Variants in MAZ observed in about 807,000 individuals in gnomAD.
MAZ encodes the protein MYC associated zinc finger protein.
Under a neutral mutation model 32.7 loss-of-function variants are expected in MAZ, and 4 were observed. The observed-to-expected ratio is 0.12, with a 90% confidence interval of 0.06 to 0.28. The LOEUF is 0.28. MAZ is among the 10% of genes least tolerant of loss of function. The pLI, the probability that MAZ is intolerant of heterozygous loss-of-function variation, is 1.00. For synonymous variants in MAZ, 510 were observed against 297.6 expected, an observed-to-expected ratio of 1.71 and a Z score of -7.35; for missense variants, 763 against 667.2, an observed-to-expected ratio of 1.14 and a Z score of -1.58.
chr16:29,809,682 T>C, intron 4 of MAZ: 2 of 1,543,080 alleles, frequency 1.3e-6, no homozygotes, highest in Non-Finnish European at 1.7e-6. Flanking sequence ...TGCAGACCCA[T>C]CTGGGGGGGG....
rs373789941 is a variant in MAZ, at chr16:29,807,428, G to T, written c.643G>T (p.Ala215Ser). Residue 215 changes from alanine (A) to serine (S), a missense_variant, in exon 2 of 5, where the codon GCC (alanine) becomes TCC (serine). Ala to Ser is a moderately conservative substitution (Grantham distance 99, BLOSUM62 1). Coordinates refer to ENST00000322945, the MANE Select transcript of MAZ (RefSeq NM_002383.4). ...LRRHEAIHTG[A>S]KAGRVPSGAM... ...GAGGCACGAAGCCATCCACACGGGA[G>T]CCAAGGCCGGCCGGGTCCCCTCGGG... The T allele has an allele frequency of 1.1e-5, 17 of 1,612,284 alleles. No individual in the cohort carries two copies. Among genetic ancestry groups the T allele is most frequent in the Non-Finnish European group, 1.2e-5 (14 of 1,179,726 alleles).
intron 4 of MAZ, chr16:29,809,665 G>A (rs1481780799): frequency 1.9e-6 from 3 of 1,581,104 alleles, no homozygotes; most frequent in Non-Finnish European, 2.6e-6. Context: ...CCAGCTGGCC[G>A]GCCACATGCA....
At chr16:29,809,062 G>A (rs1017985319) in intron 4 of MAZ, 5 of 530,372 alleles carry the variant, frequency 9.4e-6, no homozygotes, top group African/African-American at 3.9e-5. Flanking sequence ...TTTCCGCTGC[G>A]CAGCCACAAG....
In MAZ at chr16:29,810,790, T is replaced by G. The variant is rs962044563; in HGVS notation, c.*559T>G. ...CGGCAAAGGTTGTACCTTCATAAGG[T>G]GGTATGGGGGGTTGGGGTCAGGCCC... On this transcript the variant is annotated 3_prime_UTR_variant, in exon 5 of 5. Coordinates refer to ENST00000322945, the MANE Select transcript of MAZ (RefSeq NM_002383.4). 3.7e-5 allele frequency: 13 copies of G among 347,640 alleles called. No homozygotes were observed. In the Admixed American group the frequency reaches 5.0e-4, roughly 13 times the overall value. The allele number at this position is 347,640 out of a possible 1,614,324, so 21.5% of individuals were successfully genotyped here. A position where few individuals can be genotyped will look rare whatever the true frequency, so the allele number is the denominator to read the frequency against.
In MAZ at chr16:29,807,358, C is replaced by T. The variant is rs1267328510; in HGVS notation, c.573C>T (p.Ile191=). 13 of 1,612,116 alleles carry T rather than the reference C, an allele frequency of 8.1e-6. 1 individual carries two copies. Among genetic ancestry groups the T allele is most frequent in the Middle Eastern group, 1.6e-4 (1 of 6,082 alleles). The change falls in exon 2 of 5, where the codon ATC becomes ATT. Residue 191 remains isoleucine, a synonymous_variant. Coordinates refer to ENST00000322945, the MANE Select transcript of MAZ (RefSeq NM_002383.4). ...AGACAAAGAGCAAGGGGCCCTACAT[C>T]TGCGCTCTGTGCGCCAAGGAGTTCA... The part of the protein sequence containing the change: ...EKKTKSKGPY[I]CALCAKEFKN...
chr16:29,808,438 C>T (rs779189102), intron 3 of MAZ, 132 bp from the exon 4 acceptor site: 8 of 985,136 alleles, frequency 8.1e-6, no homozygotes, highest in Middle Eastern at 2.1e-4. Context: ...AAGGCCTCAT[C>T]ATGTCACTCC....
intron 4 of MAZ, chr16:29,809,683 CT>C: frequency 1.3e-6 from 2 of 1,539,910 alleles, no homozygotes; most frequent in Non-Finnish European, 1.7e-6. Flanking sequence ...GCAGACCCAT[CT>C]GGGGGGGGCC....
At chr16:29,809,522 C>T (rs754159328) in intron 4 of MAZ, 5 of 1,565,462 alleles carry the variant, frequency 3.2e-6, no homozygotes, top group Non-Finnish European at 3.5e-6. Flanking sequence ...CGCCCCATCC[C>T]AATCCACCCC....
At position 29,810,342 on chromosome 16, in the gene MAZ, C is replaced by T. The variant is rs763668867; in HGVS notation, c.*111C>T. 11 of 1,116,722 alleles carry T rather than the reference C, an allele frequency of 9.9e-6. No individual in the cohort carries two copies. The highest frequency in any genetic ancestry group is 4.0e-5 in the South Asian group (3 of 75,714). 69.2% of individuals were successfully genotyped at this position (1,116,722 alleles called of 1,614,324 possible). ...CCTATTTCCCTACCAACCAAGGAGC[C>T]TCCAGAAGGAAAGGAGGAAGAAATG... On this transcript the variant is annotated 3_prime_UTR_variant, in exon 5 of 5. Coordinates refer to ENST00000322945, the MANE Select transcript of MAZ (RefSeq NM_002383.4).
chr16:29,808,700 A>G lies in MAZ; in HGVS notation c.1238A>G (p.His413Arg). The G allele has an allele frequency of 6.2e-7, 1 of 1,614,040 alleles. No individual in the cohort carries two copies. The highest frequency in any genetic ancestry group is 8.5e-7 in the Non-Finnish European group (1 of 1,180,004). ...TATATTTCGGACCACATGAAGGTGC[A>G]CAGCCAGGGTCCTCACCATGTCTGT... ...SAYISDHMKV[H>R]SQGPHHVCEL... The change falls in exon 4 of 5, where the codon CAC becomes CGC. Residue 413 changes from histidine (H) to arginine (R), a missense_variant. Physicochemically the swap from His to Arg is conservative, Grantham distance 29. Transcript: ENST00000322945.
chr16:29,809,467 C>T, intron 4 of MAZ: 1 of 956,494 alleles, frequency 1.0e-6, no homozygotes, highest in Non-Finnish European at 1.7e-6. Context: ...CATCCCCCGC[C>T]TAGGAGATCA....
intron 4 of MAZ, chr16:29,809,649 C>A: frequency 3.1e-6 from 5 of 1,591,446 alleles, no homozygotes; most frequent in Non-Finnish European, 4.3e-6. Flanking sequence ...ACTGCAAGAC[C>A]CCTGCCCAGC....
Position 29,807,241 on chromosome 16 carries a change from C to T in MAZ, c.456C>T (p.Ser152=), listed in dbSNP as rs1380075778. ...CGGCCGAGGCCGCGCCCCCCGCCTC[C>T]GCCGCCACTATCGCCGCGGCGGCGG... The part of the protein sequence containing the change: ...APAAEAAPPA[S]AATIAAAAAT... The change falls in exon 2 of 5, where the codon TCC becomes TCT. Residue 152 remains serine, a synonymous_variant. Coordinates refer to ENST00000322945, the MANE Select transcript of MAZ (RefSeq NM_002383.4). The T allele has an allele frequency of 3.5e-6, 5 of 1,412,210 alleles. No individual in the cohort carries two copies. The highest frequency in any genetic ancestry group is 3.0e-5 in the African/African-American group (2 of 66,684). The allele number at this position is 1,412,210 out of a possible 1,614,324, so 87.5% of individuals were successfully genotyped here.
rs754452531 is a variant in MAZ, at chr16:29,810,083, G to A, written c.1286G>A (p.Gly429Asp). Residue 429 changes from glycine (G) to aspartate (D), a missense_variant, in exon 5 of 5, where the codon GGT becomes GAT. By Grantham distance (94) the Gly-to-Asp change is moderately conservative. Coordinates refer to ENST00000322945, the MANE Select transcript of MAZ (RefSeq NM_002383.4). ...TGGTGTTTCTCCTGTGCAGGTACTG[G>A]TGAGGTTTGTCCAATGGCGGCGGCA... ...HVCELCNKGT[G>D]EVCPMAAAAA... 3.1e-6 allele frequency: 5 copies of A among 1,610,476 alleles called. No individual in the cohort carries two copies. Among genetic ancestry groups the A allele is most frequent in the Non-Finnish European group, 3.4e-6 (4 of 1,178,316 alleles).
chr16:29,810,126 G>T lies in MAZ; in HGVS notation c.1329G>T (p.Ala443=). ...PMAAAAAAAA[A]AAAAAVAAPP... ...CGGCGGCAGCGGCAGCGGCGGCAGC[G>T]GCAGCAGCGGCAGCAGTAGCAGCCC... The change falls in exon 5 of 5, where the codon GCG becomes GCT. Residue 443 remains alanine (A), a synonymous_variant. Coordinates refer to ENST00000322945, the MANE Select transcript of MAZ (RefSeq NM_002383.4). 1 of 1,591,478 alleles carries T rather than the reference G, an allele frequency of 6.3e-7. No individual in the cohort carries two copies. The highest frequency in any genetic ancestry group is 8.6e-7 in the Non-Finnish European group (1 of 1,164,690).
rs906969373 is a variant in MAZ at position 29,807,418 on chromosome 16, C to T, written c.633C>T (p.Ile211=). Reference sequence around the variant, plus strand: ...ACAATCTCCGGAGGCACGAAGCCATCCACACGGGAGCCAAGGCCGGCCGGG... The same window carrying T: ...ACAATCTCCGGAGGCACGAAGCCATTCACACGGGAGCCAAGGCCGGCCGGG... ...NGYNLRRHEA[I]HTGAKAGRVP... The change falls in exon 2 of 5, where the codon ATC becomes ATT. Residue 211 remains isoleucine, a synonymous_variant. Coordinates refer to ENST00000322945, the MANE Select transcript of MAZ (RefSeq NM_002383.4). The T allele has an allele frequency of 5.0e-6, 8 of 1,612,434 alleles. No individual in the cohort carries two copies. The highest frequency in any genetic ancestry group is 5.9e-6 in the Non-Finnish European group (7 of 1,179,740).
Position 29,810,412 on chromosome 16 carries a change from GCTC to G in MAZ, c.*185_*187del, listed in dbSNP as rs1281937517. 4 of 764,726 alleles carry G rather than the reference GCTC, an allele frequency of 5.2e-6. No individual in the cohort carries two copies. Among genetic ancestry groups the G allele is most frequent in the Admixed American group, 4.0e-5 (2 of 50,040 alleles). 47.4% of individuals were successfully genotyped at this position (764,726 alleles called of 1,614,324 possible). ...TAGGTTTTAACGATTTGTTTCTCCT[GCTC>G]CTCTTCTGTCAGACCTGACCCCACA... On this transcript the variant is annotated 3_prime_UTR_variant, in exon 5 of 5. Transcript: ENST00000322945.
chr16:29,810,056 C>T (rs754009031), intron 4 of MAZ, 21 bp from the exon 5 acceptor site: 25 of 1,594,922 alleles, frequency 1.6e-5, no homozygotes, highest in African/African-American at 2.7e-5. Flanking sequence ...CGCTGTGATC[C>T]GTGGTGTTTC....
chr16:29,809,476 C>G (rs577879523), intron 4 of MAZ: 2 of 1,028,936 alleles, frequency 1.9e-6, no homozygotes, highest in East Asian at 2.5e-5. Context: ...CCTAGGAGAT[C>G]AGCCCCGTCT....
Sources: allele counts gnomAD v4.1 joint callset, GRCh38; gene constraint gnomAD v4.1.1; transcripts MANE v1.5; gene names NCBI Gene and HGNC (gene_info 2026-07-23, HGNC 2026-07-21).